ANO4: variants seen among roughly 807,000 people sequenced by gnomAD.
The protein encoded by ANO4 is anoctamin 4, also known as anoctamin-4.
Under a neutral mutation model 141.9 loss-of-function variants are expected in ANO4, and 69 were observed. The observed-to-expected ratio is 0.49, with a 90% CI of 0.40 to 0.59. The LOEUF (loss-of-function observed/expected upper bound fraction) is 0.59. Among genes scored for constraint, ANO4 ranks in the 20% least tolerant of loss-of-function variants. The pLI is 0.00. For synonymous variants in ANO4, 350 were observed against 394.3 expected, an observed-to-expected ratio of 0.89 and a Z score of 1.33; for missense variants, 894 against 1,162.2, an observed-to-expected ratio of 0.77 and a Z score of 3.36.
chr12:101,083,585 T>A (rs1005777624), intron 15 of ANO4, 93 bp from the exon 16 acceptor site: 49 of 1,454,276 alleles, frequency 3.4e-5, no homozygotes, highest in Admixed American at 1.6e-4. Context: ...TGGCAGCTGT[T>A]GACTCTGTTT....
chr12:100,841,297 G>A (rs899488893), intron 1 of ANO4, among the ~76,000 whole-genome samples: 3 of 151,998 alleles, frequency 2.0e-5, no homozygotes, highest in Admixed American at 1.3e-4. Context: ...CATGACATCC[G>A]CCAAAATTAT....
rs142503901 is a variant in ANO4 at position 100,969,004 on chromosome 12, G to A, written c.457-2302G>A. Among the ~76,000 whole-genome samples, 88 of 152,254 alleles carry A rather than the reference G, an allele frequency of 5.8e-4. 2 individuals are homozygous for A. The East Asian group carries it at 0.011, about 19-fold the overall frequency. ...AGTGTTTACAAAGAGACAAAGCATT[G>A]GCCATCAAATTTTCAGTTGTTACTG... On this transcript the variant is annotated intron_variant, in intron 5 of 27. Transcript: ENST00000392977.
intron 8 of ANO4, among the ~76,000 whole-genome samples, chr12:100,990,595 G>C (rs1286755328): frequency 6.6e-6 from 1 of 152,164 alleles, no homozygotes; most frequent in Non-Finnish European, 1.5e-5. Context: ...GCCAGGCACT[G>C]TCTGGGTACA....
At chr12:100,735,315 T>C (rs1259606956) in intron 2 of ANO4, among the ~76,000 whole-genome samples, 1 of 152,144 alleles carries the variant, frequency 6.6e-6, no homozygotes, top group East Asian at 1.9e-4. Flanking sequence ...TGATTAACTT[T>C]TAAATGAGAA....
intron 1 of ANO4, among the ~76,000 whole-genome samples, chr12:100,726,135 C>T (rs899970064): frequency 6.6e-6 from 1 of 152,170 alleles, no homozygotes; most frequent in African/African-American, 2.4e-5. Context: ...ATGGACTTCT[C>T]CTCATGGTAG....
chr12:101,006,644 G>A (rs906478975), intron 8 of ANO4, among the ~76,000 whole-genome samples: 2 of 152,216 alleles, frequency 1.3e-5, no homozygotes, highest in African/African-American at 4.8e-5. Context: ...TGATGGACTA[G>A]AGCTCCTTGT....
Position 100,970,680 on chromosome 12 carries a change from T to G in ANO4, c.457-626T>G, listed in dbSNP as rs986628091. On this transcript the variant is annotated intron_variant, in intron 5 of 27. Coordinates refer to ENST00000392977, the MANE Select transcript of ANO4 (RefSeq NM_001286615.2). Reference sequence around the variant, plus strand: ...CCCTCCCTCTCCTTCCTTCCTTCCTTCCTTCCTTCCTTCCTTCCTTCCTTC... The same window carrying G: ...CCCTCCCTCTCCTTCCTTCCTTCCTGCCTTCCTTCCTTCCTTCCTTCCTTC... 1.4e-3 allele frequency among the ~76,000 whole-genome samples: 106 copies of G among 73,270 alleles called. No individual in the cohort carries two copies. The South Asian group carries it at 0.016, about 11-fold the overall frequency. The allele number at this position is 73,270 out of a possible 152,430, so 48.1% of individuals were successfully genotyped here. A position where few individuals can be genotyped will look rare whatever the true frequency, so the allele number is the denominator to read the frequency against.
At chr12:100,819,949 G>C (rs550626782) in intron 1 of ANO4, among the ~76,000 whole-genome samples, 1 of 151,896 alleles carries the variant, frequency 6.6e-6, no homozygotes, top group Non-Finnish European at 1.5e-5. Context: ...TTAGTTGTTG[G>C]GGCCGTGTCT....
intron 1 of ANO4, among the ~76,000 whole-genome samples, chr12:100,802,568 T>C (rs1271242146): frequency 6.6e-6 from 1 of 152,186 alleles, no homozygotes; most frequent in Non-Finnish European, 1.5e-5. Flanking sequence ...CAAATAAATA[T>C]TGCTTGTGGA....
chr12:100,962,234 C>T (rs987336584), intron 5 of ANO4, among the ~76,000 whole-genome samples: 1 of 152,118 alleles, frequency 6.6e-6, no homozygotes, highest in South Asian at 2.1e-4. Context: ...GAAAGCTACT[C>T]GAAGTCTCGA....
intron 1 of ANO4, among the ~76,000 whole-genome samples, chr12:100,828,848 TCTCTA>T (rs759215249): frequency 1.2e-4 from 19 of 152,018 alleles, no homozygotes; most frequent in Admixed American, 4.6e-4. Context: ...TAAAACCCCA[TCTCTA>T]CTAAAAATAC....
chr12:100,721,377 G>A (rs1053347068), intron 1 of ANO4, among the ~76,000 whole-genome samples: 1 of 152,176 alleles, frequency 6.6e-6, no homozygotes, highest in African/African-American at 2.4e-5. Context: ...GTAGGGAAGG[G>A]CTGGGTAGGG....
intron 15 of ANO4, among the ~76,000 whole-genome samples, 193 bp downstream of exon 15, chr12:101,079,468 G>A (rs1421408659): frequency 6.6e-6 from 1 of 152,030 alleles, no homozygotes; most frequent in Non-Finnish European, 1.5e-5. Context: ...TGATTCCTTA[G>A]TGGAATCAAA....
upstream of ANO4, among the ~76,000 whole-genome samples, chr12:100,717,362 AG>A (rs960718462): frequency 6.6e-6 from 1 of 151,310 alleles, no homozygotes; most frequent in Non-Finnish European, 1.5e-5. Flanking sequence ...CGGCAGCTCT[AG>A]GGGCGAGCGC....
At chr12:100,979,854 A>T (rs1239391891) in intron 7 of ANO4, among the ~76,000 whole-genome samples, 8 of 148,464 alleles carry the variant, frequency 5.4e-5, no homozygotes, top group Non-Finnish European at 1.2e-4. Flanking sequence ...CAGCCTCCCG[A>T]GTAGCTGGGA....
intron 8 of ANO4, among the ~76,000 whole-genome samples, chr12:101,007,688 G>C (rs888719370): frequency 6.6e-6 from 1 of 152,100 alleles, no homozygotes; most frequent in South Asian, 2.1e-4. Flanking sequence ...ATATTATTTG[G>C]GGGGGAAAAG....
chr12:100,929,047 T>A (rs2041986992), intron 3 of ANO4, among the ~76,000 whole-genome samples: 1 of 152,104 alleles, frequency 6.6e-6, no homozygotes, highest in Non-Finnish European at 1.5e-5. Context: ...GATACAGGCA[T>A]ACAATGTTTA....
intron 10 of ANO4, 28 bp from the exon 11 acceptor site, chr12:101,039,927 C>T: frequency 6.2e-7 from 1 of 1,600,672 alleles, no homozygotes; most frequent in Non-Finnish European, 8.5e-7. Flanking sequence ...TGAGTACTAC[C>T]TCACTGGCAG....
chr12:100,939,333 T>C lies in ANO4; in HGVS notation c.179T>C (p.Ile60Thr). The C allele has an allele frequency of 6.2e-7, 1 of 1,613,442 alleles. No individual in the cohort carries two copies. The highest frequency in any genetic ancestry group is 8.5e-7 in the Non-Finnish European group (1 of 1,179,506). Residue 60 changes from isoleucine (I) to threonine (T), a missense_variant, in exon 4 of 28, where the codon ATT (isoleucine) becomes ACT (threonine). Around this residue, in one of 2 missense-constraint regions of ANO4, gnomAD observed 257 missense variants for 253.0 expected, o/e 1.02. Transcript: ENST00000392977. Reference sequence around the variant, plus strand: ...GTTCTAGTGGCCAAGGATGTCAATATTCTTTTTGATGAATTAGAAGCTGTC... The same window carrying C: ...GTTCTAGTGGCCAAGGATGTCAATACTCTTTTTGATGAATTAGAAGCTGTC... ...AIQEMAKDVN[I>T]LFDELEAVSS...
Sources: allele counts gnomAD v4.1 joint callset (sites outside exome capture counted in the v4.1 genomes callset), GRCh38; gene constraint gnomAD v4.1.1; regional missense constraint gnomAD v4.1.1; transcripts MANE v1.5; gene names NCBI Gene and HGNC (gene_info 2026-07-23, HGNC 2026-07-21).